Variants in BOD1L1 observed in about 807,000 individuals in gnomAD.
BOD1L1 encodes biorientation of chromosomes in cell division protein 1-like 1.
Under a neutral mutation model 240.7 loss-of-function variants are expected in BOD1L1, and 86 were observed. That is an observed-to-expected ratio of 0.36 (90% CI 0.30 to 0.43). BOD1L1 has a LOEUF of 0.43. Among genes scored for constraint, BOD1L1 ranks in the 20% least tolerant of loss-of-function variants. The probability of loss-of-function intolerance (pLI) is 1.00; values close to 1 mark genes in which losing one functional copy is unlikely to be tolerated. For missense variants in BOD1L1, 3,554 were observed against 3,643.5 expected (o/e 0.98, Z 0.63); for synonymous variants, 1,268 against 1,272.3 (o/e 1.00, Z 0.07).
chr4:13,615,619 T>G, intron 2 of BOD1L1, 117 bp from the exon 3 acceptor site: 1 of 984,514 alleles, frequency 1.0e-6, no homozygotes, highest in Middle Eastern at 3.2e-4. Context: ...AACCTTAAAT[T>G]GTCCCAATCC....
chr4:13,577,321 A>AT, intron 24 of BOD1L1, 82 bp downstream of exon 24: 1 of 1,178,524 alleles, frequency 8.5e-7, no homozygotes, highest in Non-Finnish European at 1.2e-6. Flanking sequence ...TACCCATTGG[A>AT]TTTTTCCTCA....
rs1717475887 is a variant in BOD1L1 at position 13,627,360 on chromosome 4, G to A, written c.228C>T (p.Ala76=). ...LFDQFRRDCL[A]DVDTKPAYQN... The stretch of plus-strand genomic sequence containing the variant: ...CGCTCCTAACCTTGGTGTCCACGTC[G>A]GCCAGGCAGTCTCTGCGGAACTGGT... Residue 76 remains alanine, a synonymous_variant, in exon 1 of 26, where the codon GCC becomes GCT. Coordinates refer to ENST00000040738, the MANE Select transcript of BOD1L1 (RefSeq NM_148894.3). 3 of 1,337,322 alleles carry A rather than the reference G, an allele frequency of 2.2e-6. No homozygotes were observed. Among genetic ancestry groups the A allele is most frequent in the South Asian group, 2.4e-5 (1 of 41,064 alleles). The allele number at this position is 1,337,322 out of a possible 1,614,324, so 82.8% of individuals were successfully genotyped here. A position where few individuals can be genotyped will look rare whatever the true frequency, so the allele number is the denominator to read the frequency against.
At chr4:13,619,862 T>C (rs931912259) in intron 2 of BOD1L1, 81 bp downstream of exon 2, 3 of 1,477,390 alleles carry the variant, frequency 2.0e-6, no homozygotes, top group Admixed American at 4.1e-5. Context: ...GGTGAACAAA[T>C]ATGTATGTAA....
At chr4:13,608,329 C>T (rs1291050728) in intron 8 of BOD1L1, among the ~76,000 whole-genome samples, 2 of 152,042 alleles carry the variant, frequency 1.3e-5, no homozygotes, top group Non-Finnish European at 2.9e-5. Context: ...ATCTGGGACG[C>T]CCAAAAAGAT....
intron 2 of BOD1L1, among the ~76,000 whole-genome samples, chr4:13,616,221 A>T (rs1306554691): frequency 6.6e-6 from 1 of 152,252 alleles, no homozygotes; most frequent in Non-Finnish European, 1.5e-5. Context: ...ACATGAGATG[A>T]CAGGCACTAG....
chr4:13,588,045 G>T (rs1713851876), intron 15 of BOD1L1, among the ~76,000 whole-genome samples: 1 of 152,028 alleles, frequency 6.6e-6, no homozygotes, highest in South Asian at 2.1e-4. Context: ...AAAATTAGCT[G>T]GGCGTGGTGG....
chr4:13,577,272 C>G (rs1712831147), intron 24 of BOD1L1, 131 bp downstream of exon 24: 2 of 813,044 alleles, frequency 2.5e-6, no homozygotes, highest in Admixed American at 6.1e-5. Flanking sequence ...CGGGATTAGA[C>G]CTATTTCACA....
At chr4:13,605,679 C>T (rs547240102) in intron 9 of BOD1L1, among the ~76,000 whole-genome samples, 3 of 152,040 alleles carry the variant, frequency 2.0e-5, no homozygotes, top group Non-Finnish European at 4.4e-5. Flanking sequence ...AAACATAATA[C>T]ATGAAGGCAA....
At chr4:13,607,001 T>A (rs752947111) in intron 9 of BOD1L1, 116 bp downstream of exon 9, 1 of 663,864 alleles carries the variant, frequency 1.5e-6, no homozygotes, top group Non-Finnish European at 2.3e-6. Context: ...TGAATGTAAG[T>A]TGACTTTTTA....
chr4:13,572,235 C>T (rs1712268563), intron 25 of BOD1L1, among the ~76,000 whole-genome samples: 1 of 152,128 alleles, frequency 6.6e-6, no homozygotes, highest in African/African-American at 2.4e-5. Context: ...GGACACTCCT[C>T]ACTGGCTCAA....
chr4:13,626,020 G>A (rs1717358091), intron 1 of BOD1L1: 1 of 152,164 alleles, frequency 6.6e-6, no homozygotes, highest in Admixed American at 6.6e-5. Context: ...ATTTCTCAAA[G>A]ATACAAAGCT....
chr4:13,581,039 G>T lies in BOD1L1; in HGVS notation c.8684C>A (p.Thr2895Lys). The change falls in exon 21 of 26, where the codon ACA becomes AAA. Residue 2895 changes from threonine to lysine, a missense_variant. Coordinates refer to ENST00000040738, the MANE Select transcript of BOD1L1 (RefSeq NM_148894.3). ...ACTTACAGTGACAATGCCAGTATCT[G>T]TTTTGGAGTCGTCTTCTAAAAAAAA... ...TTLKMKDDSK[T>K]DTGIVTVEQS... 1 of 1,573,228 alleles carries T rather than the reference G, an allele frequency of 6.4e-7. No homozygotes were observed. Among genetic ancestry groups the T allele is most frequent in the South Asian group, 1.2e-5 (1 of 85,184 alleles).
chr4:13,579,700 C>G (rs1427105003), intron 22 of BOD1L1, among the ~76,000 whole-genome samples: 1 of 152,184 alleles, frequency 6.6e-6, no homozygotes, highest in Admixed American at 6.5e-5. Context: ...GGAATATATT[C>G]TTCTCCTTGG....
intron 25 of BOD1L1, among the ~76,000 whole-genome samples, chr4:13,573,352 T>A (rs1322534022): frequency 6.6e-6 from 1 of 152,038 alleles, no homozygotes; most frequent in Non-Finnish European, 1.5e-5. Flanking sequence ...ATCCAGAAAA[T>A]AAGGTAGAAC....
chr4:13,572,935 G>T, intron 25 of BOD1L1: 1 of 1,097,524 alleles, frequency 9.1e-7, no homozygotes, highest in Non-Finnish European at 1.2e-6. Context: ...TTGTGGGCAA[G>T]TCAGAACAAT....
At position 13,603,858 on chromosome 4, in the gene BOD1L1, T is replaced by G. The variant is rs113886007; in HGVS notation, c.3042A>C (p.Arg1014Ser). The change falls in exon 10 of 26, where the codon AGA becomes AGC. Residue 1014 changes from arginine to serine, a missense_variant. Arg to Ser is a moderately radical substitution (Grantham distance 110, BLOSUM62 -1). Transcript: ENST00000040738. ...DKDSTSTRLERKLSDGHKSRS... is the reference protein window; with the variant it reads ...DKDSTSTRLESKLSDGHKSRS... ...TGCTTTTGTGGCCATCTGACAACTT[T>G]CTCTCAAGCCTGGTGGAAGTGGAGT... The G allele has an allele frequency of 6.2e-7, 1 of 1,613,576 alleles. No individual in the cohort carries two copies. The highest frequency in any genetic ancestry group is 8.5e-7 in the Non-Finnish European group (1 of 1,179,866).
At chr4:13,577,826 TAA>T (rs1252804793) in intron 22 of BOD1L1, 195 bp from the exon 23 acceptor site, 5 of 420,448 alleles carry the variant, frequency 1.2e-5, no homozygotes, top group African/African-American at 1.0e-4. Context: ...TCACGAAACA[TAA>T]GTTTTCATTT....
At chr4:13,611,707 A>C (rs1180456969) in intron 5 of BOD1L1, among the ~76,000 whole-genome samples, 1 of 152,074 alleles carries the variant, frequency 6.6e-6, no homozygotes, top group Non-Finnish European at 1.5e-5. Flanking sequence ...TTCTCTTGAC[A>C]AACAATTCTT....
intron 19 of BOD1L1, 145 bp from the exon 20 acceptor site, chr4:13,581,352 A>T: frequency 1.6e-6 from 1 of 607,268 alleles, no homozygotes; most frequent in Non-Finnish European, 2.8e-6. Context: ...TATGTGATGT[A>T]GGGCTTAGTG....
Sources: gnomAD v4.1 joint callset for allele counts (sites outside exome capture counted in the v4.1 genomes callset) on GRCh38, gnomAD v4.1.1 for gene constraint, MANE v1.5 for transcripts, NCBI Gene and HGNC (gene_info 2026-07-23, HGNC 2026-07-21) for gene names.